Variants in AGPAT4 observed in about 807,000 individuals in gnomAD.
The protein encoded by AGPAT4 is 1-acylglycerol-3-phosphate O-acyltransferase 4.
A neutral mutation model predicts 48.0 loss-of-function variants in AGPAT4; 15 were observed. The observed-to-expected ratio is 0.31, with a 90% CI of 0.21 to 0.48. AGPAT4 has a LOEUF of 0.48. Ranked by LOEUF, AGPAT4 falls within the 20% of genes least tolerant of loss-of-function variation. AGPAT4 has a pLI of 0.99. For missense variants in AGPAT4, 314 were observed against 482.5 expected (o/e 0.65, Z 3.27); for synonymous variants, 178 against 198.7 (o/e 0.90, Z 0.88).
chr6:161,196,346 AC>A lies in AGPAT4; in HGVS notation c.179-29930del, dbSNP rs1781064055. Among the ~76,000 whole-genome samples the A allele has an allele frequency of 6.6e-6, 1 of 152,174 alleles. No individual in the cohort carries two copies. Among genetic ancestry groups the A allele is most frequent in the Admixed American group, 6.5e-5 (1 of 15,278 alleles). On this transcript the variant is annotated intron_variant, in intron 2 of 8. Coordinates refer to ENST00000320285, the MANE Select transcript of AGPAT4 (RefSeq NM_020133.3). The surrounding 1 kb of genome is among the most constrained non-coding windows in gnomAD (Gnocchi z 4.3). ...GAAAAAAAAGAGGCAGTCAGGGCAA[AC>A]CCAACAGATAAGTCACATCAAATAA...
rs1456423025 is a variant in AGPAT4 at position 161,148,538 on chromosome 6, G to T, written c.767+649C>A. Among the ~76,000 whole-genome samples the T allele has an allele frequency of 6.6e-6, 1 of 152,146 alleles. No homozygotes were observed. Among genetic ancestry groups the T allele is most frequent in the African/African-American group, 2.4e-5 (1 of 41,420 alleles). The stretch of plus-strand genomic sequence containing the variant: ...TGGGCATTTCAGATTCTCTTGATTA[G>T]CATTCAGAGAAGATGATCCACAGCA... On this transcript the variant is annotated intron_variant, in intron 6 of 8. Transcript: ENST00000320285. This position sits in a 1 kb window ranked among gnomAD's most constrained non-coding sequence, Gnocchi z 5.5.
At chr6:161,194,701 G>A (rs547689036) in intron 2 of AGPAT4, among the ~76,000 whole-genome samples, 2 of 152,142 alleles carry the variant, frequency 1.3e-5, no homozygotes, top group South Asian at 2.1e-4. Context: ...TATGTATTGT[G>A]TGTGCGTATG....
rs1394967244 is a variant in AGPAT4 at position 161,222,410 on chromosome 6, C to A, written c.178+9626G>T. Among the ~76,000 whole-genome samples, 1 of 152,120 alleles carries A rather than the reference C, an allele frequency of 6.6e-6. No homozygotes were observed. The highest frequency in any genetic ancestry group is 2.4e-5 in the African/African-American group (1 of 41,418). ...AATCATCTCTAATTCCTAAAAATAGCACTTTGACAACTTTACTTCCAGTCT... is the reference window on the plus strand; with the variant it reads ...AATCATCTCTAATTCCTAAAAATAGAACTTTGACAACTTTACTTCCAGTCT... On this transcript the variant is annotated intron_variant, in intron 2 of 8. Transcript: ENST00000320285. The surrounding 1 kb of genome is among the most constrained non-coding windows in gnomAD (Gnocchi z 5.9).
rs1419083832 is a variant in AGPAT4 at position 161,147,151 on chromosome 6, A to G, written c.768-552T>C. ...TCAGTGATGTGGATGGTGGGGAATT[A>G]AAGTTCTCCCAGATGGAAGTAGCCA... On this transcript the variant is annotated intron_variant, in intron 6 of 8. Coordinates refer to ENST00000320285, the MANE Select transcript of AGPAT4 (RefSeq NM_020133.3). The surrounding 1 kb of genome is among the most constrained non-coding windows in gnomAD (Gnocchi z 4.8). 3.9e-5 allele frequency among the ~76,000 whole-genome samples: 6 copies of G among 152,168 alleles called. No homozygotes were observed. The highest frequency in any genetic ancestry group is 1.5e-5 in the Non-Finnish European group (1 of 68,030).
At chr6:161,175,461 A>C (rs1338923421) in intron 2 of AGPAT4, among the ~76,000 whole-genome samples, 1 of 152,074 alleles carries the variant, frequency 6.6e-6, no homozygotes, top group Non-Finnish European at 1.5e-5. Context: ...ATGCTCTGAT[A>C]GTAGTTTGTA....
At chr6:161,145,099 TTC>T (rs1287413672) in intron 7 of AGPAT4, among the ~76,000 whole-genome samples, 1 of 151,800 alleles carries the variant, frequency 6.6e-6, no homozygotes, top group Non-Finnish European at 1.5e-5. Context: ...TCATATGGTT[TTC>T]TGTTTCTCTG....
chr6:161,151,340 C>T (rs960604118), intron 5 of AGPAT4, among the ~76,000 whole-genome samples: 4 of 152,240 alleles, frequency 2.6e-5, no homozygotes, highest in Non-Finnish European at 4.4e-5. Context: ...CAGACGCGCC[C>T]GAGACCGGTG....
intron 2 of AGPAT4, among the ~76,000 whole-genome samples, chr6:161,193,395 C>T (rs1383512467): frequency 6.6e-6 from 1 of 152,186 alleles, no homozygotes; most frequent in African/African-American, 2.4e-5. Context: ...CTGACATGTG[C>T]CACATGCTCA....
Position 161,130,045 on chromosome 6 carries a change from C to G in AGPAT4, c.*6495G>C, listed in dbSNP as rs1778851578. The G allele has an allele frequency of 6.6e-6, 1 of 152,166 alleles. No homozygotes were observed. Among genetic ancestry groups the G allele is most frequent in the Non-Finnish European group, 1.5e-5 (1 of 68,052 alleles). 9.4% of individuals were successfully genotyped at this position (152,166 alleles called of 1,614,324 possible). A position where few individuals can be genotyped will look rare whatever the true frequency, so the allele number is the denominator to read the frequency against. ...TGCTGTCTAGTGGTATCCACACATA[C>G]TTTATTAGTTTTATCTTTGTTCAGC... On this transcript the variant is annotated 3_prime_UTR_variant, in exon 9 of 9. Transcript: ENST00000320285.
At chr6:161,181,699 T>C (rs1316173681) in intron 2 of AGPAT4, among the ~76,000 whole-genome samples, 1 of 152,160 alleles carries the variant, frequency 6.6e-6, no homozygotes, top group Non-Finnish European at 1.5e-5. Context: ...GACACCAAAC[T>C]GGGAGCCCAG....
In AGPAT4 at chr6:161,142,836, G is replaced by C. The variant is rs1779297387; in HGVS notation, c.844-3216C>G. On this transcript the variant is annotated intron_variant, in intron 7 of 8. Transcript: ENST00000320285. This position sits in a 1 kb window ranked among gnomAD's most constrained non-coding sequence, Gnocchi z 6.4. ...GAGTGCACGGCCAGGACTTGCAAAG[G>C]ACTTACCATGGGAGCCAAGCCTTGA... Among the ~76,000 whole-genome samples, 1 of 152,184 alleles carries C rather than the reference G, an allele frequency of 6.6e-6. No individual in the cohort carries two copies. The highest frequency in any genetic ancestry group is 1.5e-5 in the Non-Finnish European group (1 of 68,038).
chr6:161,212,563 A>G lies in AGPAT4; in HGVS notation c.178+19473T>C, dbSNP rs1433274245. 6.6e-6 allele frequency among the ~76,000 whole-genome samples: 1 copy of G among 152,186 alleles called. No homozygotes were observed. On this transcript the variant is annotated intron_variant, in intron 2 of 8. Coordinates refer to ENST00000320285, the MANE Select transcript of AGPAT4 (RefSeq NM_020133.3). This position sits in a 1 kb window ranked among gnomAD's most constrained non-coding sequence, Gnocchi z 6.1. ...TTGGTTTCCTTTAGGTTGTATTTGT[A>G]TAAATATGTTATTGGTATGTGTTCC...
At position 161,158,679 on chromosome 6, in the gene AGPAT4, C is replaced by A. The variant is rs1233181771; in HGVS notation, c.349-4369G>T. 6.6e-6 allele frequency among the ~76,000 whole-genome samples: 1 copy of A among 152,188 alleles called. No individual in the cohort carries two copies. Among genetic ancestry groups the A allele is most frequent in the Admixed American group, 6.5e-5 (1 of 15,282 alleles). ...AGCTGACGCAGAGAGGGCCTGAGAC[C>A]CAGTACTCTGACCCTGACCTTCAGA... On this transcript the variant is annotated intron_variant, in intron 3 of 8. Transcript: ENST00000320285. The surrounding 1 kb of genome is among the most constrained non-coding windows in gnomAD (Gnocchi z 5.3).
In AGPAT4 at chr6:161,201,999, T is replaced by G. The variant is rs1781251436; in HGVS notation, c.178+30037A>C. On this transcript the variant is annotated intron_variant, in intron 2 of 8. Transcript: ENST00000320285. The surrounding 1 kb of genome is among the most constrained non-coding windows in gnomAD (Gnocchi z 6.0). ...ACTATAAGCCATTTAAGACTTATCA[T>G]AAGTGTTCCTCCTCCAGGAAGTCTA... 6.6e-6 allele frequency among the ~76,000 whole-genome samples: 1 copy of G among 152,164 alleles called. No homozygotes were observed. Among genetic ancestry groups the G allele is most frequent in the Admixed American group, 6.5e-5 (1 of 15,280 alleles).
rs1186499253 is a variant in AGPAT4, at chr6:161,272,913, C to A, written c.-90+1025G>T. On this transcript the variant is annotated intron_variant, in intron 1 of 8. Transcript: ENST00000320285. This position sits in a 1 kb window ranked among gnomAD's most constrained non-coding sequence, Gnocchi z 4.2. ...GCACGAAAACGAAAAACGGAGAATC[C>A]TGCCCGGCAGTTAATTTGTTACTCA... is the stretch of plus-strand genomic sequence containing the variant. Among the ~76,000 whole-genome samples, 1 of 152,160 alleles carries A rather than the reference C, an allele frequency of 6.6e-6. No homozygotes were observed. The highest frequency in any genetic ancestry group is 1.5e-5 in the Non-Finnish European group (1 of 68,038).
chr6:161,166,095 G>A lies in AGPAT4; in HGVS notation c.348+153C>T, dbSNP rs1222867905. 7 of 1,029,804 alleles carry A rather than the reference G, an allele frequency of 6.8e-6. No homozygotes were observed. The highest frequency in any genetic ancestry group is 6.6e-5 in the South Asian group (4 of 60,838). 63.8% of individuals were successfully genotyped at this position (1,029,804 alleles called of 1,614,324 possible). ...AAGAAGCTGTTAAGACTGACTCCCAGCAAGAATAAAAAGCAGTTTATTAGG... is the reference window on the plus strand; with the variant it reads ...AAGAAGCTGTTAAGACTGACTCCCAACAAGAATAAAAAGCAGTTTATTAGG... On this transcript the variant is annotated intron_variant, in intron 3 of 8. Transcript: ENST00000320285. The surrounding 1 kb of genome is among the most constrained non-coding windows in gnomAD (Gnocchi z 6.7).
In AGPAT4 at chr6:161,222,449, TGG is replaced by T. The variant is rs1456587842; in HGVS notation, c.178+9585_178+9586del. Among the ~76,000 whole-genome samples, 5 of 152,226 alleles carry T rather than the reference TGG, an allele frequency of 3.3e-5. No individual in the cohort carries two copies. The highest frequency in any genetic ancestry group is 7.4e-5 in the Non-Finnish European group (5 of 68,026). ...TACTTCCAGTCTATATTTATAAAAT[TGG>T]TATTAGAATGTACCAAGAGTTTTGT... is the stretch of plus-strand genomic sequence containing the variant. On this transcript the variant is annotated intron_variant, in intron 2 of 8. Transcript: ENST00000320285. This position sits in a 1 kb window ranked among gnomAD's most constrained non-coding sequence, Gnocchi z 5.9.
At chr6:161,167,509 C>T (rs979078251) in intron 2 of AGPAT4, among the ~76,000 whole-genome samples, 2 of 152,314 alleles carry the variant, frequency 1.3e-5, no homozygotes, top group African/African-American at 4.8e-5. Flanking sequence ...CAGGCGTGAG[C>T]CACTGCACTG....
chr6:161,130,838 G>A lies in AGPAT4; in HGVS notation c.*5702C>T, dbSNP rs748270317. 9.6e-5 allele frequency: 50 copies of A among 518,884 alleles called. No homozygotes were observed. The highest frequency in any genetic ancestry group is 2.2e-4 in the East Asian group (4 of 18,362). 32.1% of individuals were successfully genotyped at this position (518,884 alleles called of 1,614,324 possible). ...ACACTTTACAAGTCTGAGCCATCCCGTACTAGTTCATCAACTTTCCTTCCT... is the reference window on the plus strand; with the variant it reads ...ACACTTTACAAGTCTGAGCCATCCCATACTAGTTCATCAACTTTCCTTCCT... On this transcript the variant is annotated 3_prime_UTR_variant, in exon 9 of 9. Transcript: ENST00000320285.
Sources: gnomAD v4.1 joint callset for allele counts (sites outside exome capture counted in the v4.1 genomes callset) on GRCh38, gnomAD v4.1.1 for gene constraint, Gnocchi (gnomAD v3.1) non-coding constraint, MANE v1.5 for transcripts, NCBI Gene and HGNC (gene_info 2026-07-23, HGNC 2026-07-21) for gene names.